LMX1B: variants seen among roughly 807,000 people sequenced by gnomAD.
LMX1B encodes the protein LIM homeobox transcription factor 1-beta.
Under a neutral mutation model 51.4 loss-of-function variants are expected in LMX1B, and 12 were observed. The ratio of observed to expected loss-of-function variants is 0.23; its 90% CI spans 0.15 to 0.38. LMX1B has a LOEUF of 0.38. Ranked by LOEUF, LMX1B falls within the 10% of genes least tolerant of loss-of-function variation. The probability of loss-of-function intolerance (pLI) is 1.00; values close to 1 mark genes in which losing one functional copy is unlikely to be tolerated. For missense variants in LMX1B, 445 were observed against 571.1 expected, an observed-to-expected ratio of 0.78 and a Z score of 2.25; for synonymous variants, 237 against 235.4, an observed-to-expected ratio of 1.01 and a Z score of -0.06.
chr9:126,697,839 GTTT>G lies in LMX1B; in HGVS notation c.*1390_*1392del, dbSNP rs1328978841. 1 of 45,376 alleles carries G rather than the reference GTTT, an allele frequency of 2.2e-5. No individual in the cohort carries two copies. The highest frequency in any genetic ancestry group is 6.5e-5 in the African/African-American group (1 of 15,354). The allele number at this position is 45,376 out of a possible 1,614,324, so 2.8% of individuals were successfully genotyped here. A position where few individuals can be genotyped will look rare whatever the true frequency, so the allele number is the denominator to read the frequency against. ...TATATGCAGGATGGGGGCACCTACT[GTTT>G]TGTTTTGTTTTGTTTTGTTTTGTTT... On this transcript the variant is annotated 3_prime_UTR_variant, in exon 8 of 8. Coordinates refer to ENST00000373474, the MANE Select transcript of LMX1B (RefSeq NM_001174147.2).
At chr9:126,638,085 G>A (rs1286375993) in intron 2 of LMX1B, among the ~76,000 whole-genome samples, 1 of 151,902 alleles carries the variant, frequency 6.6e-6, no homozygotes, top group Non-Finnish European at 1.5e-5. Context: ...AAGCGCCCAG[G>A]CTGCCTGGGG....
chr9:126,693,641 G>T, intron 5 of LMX1B, 40 bp downstream of exon 5: 1 of 1,612,254 alleles, frequency 6.2e-7, no homozygotes, highest in South Asian at 1.1e-5. Flanking sequence ...CCCGGGTAGG[G>T]TGGGACTAGA....
In LMX1B at chr9:126,691,043, C is replaced by A. The variant is rs116316477; in HGVS notation, c.534C>A (p.Ser178=). 9.2e-4 allele frequency: 1,485 copies of A among 1,612,528 alleles called. 14 individuals are homozygous for A. The African/African-American group carries it at 0.018, about 19-fold the overall frequency. Reference sequence around the variant, plus strand: ...AGAAGGAGAAGGACCTGCTCAGCTCCGTGAGCCCCGACGAGTCCGACTCCG... The same window carrying A: ...AGAAGGAGAAGGACCTGCTCAGCTCAGTGAGCCCCGACGAGTCCGACTCCG... ...DYEKEKDLLS[S]VSPDESDSVK... is the part of the protein sequence containing the mutation. Residue 178 remains serine (S), a synonymous_variant, in exon 3 of 8, where the codon TCC becomes TCA. Coordinates refer to ENST00000373474, the MANE Select transcript of LMX1B (RefSeq NM_001174147.2).
intron 2 of LMX1B, among the ~76,000 whole-genome samples, chr9:126,636,030 TC>T (rs1835708108): frequency 6.6e-6 from 1 of 150,776 alleles, no homozygotes. Flanking sequence ...CCCAGTGAGT[TC>T]CCTGGGTGTC....
intron 2 of LMX1B, among the ~76,000 whole-genome samples, chr9:126,664,214 C>T (rs1371968953): frequency 3.3e-5 from 5 of 152,152 alleles, no homozygotes; most frequent in South Asian, 2.1e-4. Flanking sequence ...AAAGGGGAGC[C>T]GCGCCATACT....
At chr9:126,636,046 AC>A (rs1364476216) in intron 2 of LMX1B, among the ~76,000 whole-genome samples, 1 of 146,858 alleles carries the variant, frequency 6.8e-6, no homozygotes, top group Admixed American at 7.1e-5. Context: ...GGTGTCCTTT[AC>A]CCTGGAGCCC....
At chr9:126,642,947 C>T (rs2118885028) in intron 2 of LMX1B, among the ~76,000 whole-genome samples, 1 of 152,310 alleles carries the variant, frequency 6.6e-6, no homozygotes, top group South Asian at 2.1e-4. Context: ...GTGGACTGCG[C>T]TCTCTTCCCA....
At position 126,658,621 on chromosome 9, in the gene LMX1B, G is replaced by A. The variant is rs994144239; in HGVS notation, c.327-32215G>A. On this transcript the variant is annotated intron_variant, in intron 2 of 7. Coordinates refer to ENST00000373474, the MANE Select transcript of LMX1B (RefSeq NM_001174147.2). This position sits in a 1 kb window ranked among gnomAD's most constrained non-coding sequence, Gnocchi z 4.0. ...AATTTAAAGGCAGGCGGCCGCACCC[G>A]GCAGCGTTATTACCTTGTCATAAAT... 1.4e-4 allele frequency among the ~76,000 whole-genome samples: 21 copies of A among 152,226 alleles called. No individual in the cohort carries two copies. The highest frequency in any genetic ancestry group is 4.8e-4 in the African/African-American group (20 of 41,458).
intron 2 of LMX1B, among the ~76,000 whole-genome samples, chr9:126,654,270 C>T (rs1836071748): frequency 1.3e-5 from 2 of 152,242 alleles, no homozygotes; most frequent in African/African-American, 2.4e-5. Context: ...ACACTCTGCT[C>T]AGGGTTGCTG....
chr9:126,682,220 GCCCAGCCTC>G (rs1187082846), intron 2 of LMX1B, among the ~76,000 whole-genome samples: 6 of 150,908 alleles, frequency 4.0e-5, no homozygotes, highest in Admixed American at 4.0e-4. Flanking sequence ...CAGCCACAGA[GCCCAGCCTC>G]CCCAGGGCCT....
rs2118997257 is a variant in LMX1B at position 126,695,893 on chromosome 9, C to T, written c.941C>T (p.Pro314Leu). 1.2e-6 allele frequency: 2 copies of T among 1,613,332 alleles called. No homozygotes were observed. The highest frequency in any genetic ancestry group is 1.7e-6 in the Non-Finnish European group (2 of 1,179,800). The change falls in exon 7 of 8, where the codon CCA becomes CTA. Residue 314 changes from proline to leucine, a missense_variant. Around this residue, in one of 3 missense-constraint regions of LMX1B, gnomAD observed 162 missense variants for 187.8 expected, o/e 0.86. Coordinates refer to ENST00000373474, the MANE Select transcript of LMX1B (RefSeq NM_001174147.2). The surrounding 1 kb of genome is among the most constrained non-coding windows in gnomAD (Gnocchi z 5.2). The part of the protein sequence containing the change: ...GMMASYTPLA[P>L]PQQQIVAMEQ... ...ATGGCTTCCTACACGCCGCTGGCCC[C>T]ACCACAGCAGCAGATCGTGGCCATG...
intron 2 of LMX1B, among the ~76,000 whole-genome samples, chr9:126,684,419 G>A (rs1418482226): frequency 6.6e-6 from 1 of 152,212 alleles, no homozygotes; most frequent in Admixed American, 6.5e-5. Context: ...GCCAGACGCT[G>A]GGCCATGCCT....
At chr9:126,644,329 C>T (rs753856480) in intron 2 of LMX1B, among the ~76,000 whole-genome samples, 2 of 152,110 alleles carry the variant, frequency 1.3e-5, no homozygotes, top group African/African-American at 2.4e-5. Flanking sequence ...ATTGATCGAC[C>T]GACTGGCCCT....
At chr9:126,649,944 A>G (rs1444274316) in intron 2 of LMX1B, among the ~76,000 whole-genome samples, 1 of 152,186 alleles carries the variant, frequency 6.6e-6, no homozygotes, top group African/African-American at 2.4e-5. Flanking sequence ...CACTGGTGCA[A>G]GCACAACAAA....
At chr9:126,623,698 G>A (rs1047356294) in intron 2 of LMX1B, among the ~76,000 whole-genome samples, 1 of 152,222 alleles carries the variant, frequency 6.6e-6, no homozygotes, top group Non-Finnish European at 1.5e-5. Context: ...GCCCAGCCTG[G>A]GAGGGGTGGG....
At chr9:126,656,208 G>C (rs1836112864) in intron 2 of LMX1B, among the ~76,000 whole-genome samples, 1 of 152,136 alleles carries the variant, frequency 6.6e-6, no homozygotes, top group East Asian at 1.9e-4. Flanking sequence ...ATGAGGAATG[G>C]AAAACAGACA....
Position 126,621,652 on chromosome 9 carries a change from CT to C in LMX1B, c.326+6085del, listed in dbSNP as rs770160486. Among the ~76,000 whole-genome samples, 11 of 100,316 alleles carry C rather than the reference CT, an allele frequency of 1.1e-4. No homozygotes were observed. The East Asian group carries it at 1.8e-3, about 16-fold the overall frequency. The allele number at this position is 100,316 out of a possible 152,430, so 65.8% of individuals were successfully genotyped here. ...CTATAGGGTTTTTCTCTCTCTCTCT[CT>C]TCTTTTTTTTTTTTTTTTTTTTTTT... On this transcript the variant is annotated intron_variant, in intron 2 of 7. Transcript: ENST00000373474.
intron 2 of LMX1B, among the ~76,000 whole-genome samples, chr9:126,630,853 C>G (rs1835619348): frequency 6.6e-6 from 1 of 152,286 alleles, no homozygotes; most frequent in Non-Finnish European, 1.5e-5. Flanking sequence ...GGCCAGCCCT[C>G]ACAGGGCCAC....
chr9:126,696,092 C>A, intron 7 of LMX1B, 89 bp downstream of exon 7: 1 of 1,302,764 alleles, frequency 7.7e-7, no homozygotes, highest in Non-Finnish European at 1.0e-6. Flanking sequence ...CAGCCACCTG[C>A]TGCCCTAGGG....
Sources: gnomAD v4.1 joint callset for allele counts (sites outside exome capture counted in the v4.1 genomes callset) on GRCh38, gnomAD v4.1.1 for gene constraint, gnomAD v4.1.1 regional missense constraint, Gnocchi (gnomAD v3.1) non-coding constraint, MANE v1.5 for transcripts, NCBI Gene and HGNC (gene_info 2026-07-23, HGNC 2026-07-21) for gene names.